RNF32: variants seen among roughly 807,000 people sequenced by gnomAD.
RNF32 encodes the protein ring finger protein 32.
RNF32 carries 36 observed loss-of-function variants against 41.0 expected under a neutral mutation model. That is an observed-to-expected ratio of 0.88 (90% CI 0.67 to 1.16). The LOEUF (loss-of-function observed/expected upper bound fraction) is 1.16, where lower values mean the gene tolerates loss of function less well. RNF32 is among the 50% of genes most tolerant of loss of function. The probability of loss-of-function intolerance (pLI) is 0.00; values close to 1 mark genes in which losing one functional copy is unlikely to be tolerated. For missense variants in RNF32, 413 were observed against 436.7 expected (o/e 0.95, Z 0.48); for synonymous variants, 154 against 160.9 (o/e 0.96, Z 0.32).
intron 7 of RNF32, chr7:156,659,183 A>G (rs1800217025): frequency 8.5e-7 from 1 of 1,179,316 alleles, no homozygotes; most frequent in Admixed American, 4.4e-5. Context: ...AAACAGCAGC[A>G]GCTCCGAGGC....
At chr7:156,649,389 CCCTT>C (rs369953083) in intron 3 of RNF32, among the ~76,000 whole-genome samples, 101 of 151,932 alleles carry the variant, frequency 6.6e-4, no homozygotes, top group Non-Finnish European at 1.3e-3. Flanking sequence ...ACTTTTATGC[CCCTT>C]CTTTTTTTTC....
At chr7:156,640,634 C>A (rs1272466924), upstream of RNF32, 1 of 387,294 alleles carries the variant, frequency 2.6e-6, no homozygotes, top group Admixed American at 3.1e-5. Flanking sequence ...GCAATGTGGG[C>A]CGGGCGGGGC....
intron 7 of RNF32, among the ~76,000 whole-genome samples, chr7:156,663,319 ATATG>A (rs1327117151): frequency 1.3e-5 from 2 of 152,212 alleles, no homozygotes; most frequent in Non-Finnish European, 2.9e-5. Context: ...AAAACAAAAT[ATATG>A]TGTGTGCACA....
intron 7 of RNF32, among the ~76,000 whole-genome samples, chr7:156,672,056 C>T (rs982823409): frequency 5.9e-5 from 9 of 152,146 alleles, no homozygotes; most frequent in Non-Finnish European, 1.3e-4. Flanking sequence ...AATCAAACAC[C>T]TGAGTGTGGA....
intron 4 of RNF32, among the ~76,000 whole-genome samples, chr7:156,655,727 G>A (rs553982605): frequency 5.3e-5 from 8 of 152,250 alleles, no homozygotes; most frequent in African/African-American, 1.9e-4. Context: ...TCTTACATAT[G>A]TGAAAGTTGG....
At chr7:156,641,287 G>A (rs758506282) in intron 1 of RNF32, among the ~76,000 whole-genome samples, 29 of 152,234 alleles carry the variant, frequency 1.9e-4, no homozygotes, top group Middle Eastern at 3.4e-3. Context: ...GCTTGGTCTC[G>A]TGTATTTTTA....
At position 156,643,907 on chromosome 7, in the gene RNF32, T is replaced by C. The variant is rs368408666; in HGVS notation, c.15+15T>C. ...TAAAAAATAAGGTACGCTATTCTTTTCTTAAACATACACGTTATTTGACTC... is the reference window on the plus strand; with the variant it reads ...TAAAAAATAAGGTACGCTATTCTTTCCTTAAACATACACGTTATTTGACTC... On this transcript the variant is annotated intron_variant, in intron 2 of 8. Coordinates refer to ENST00000317955, the MANE Select transcript of RNF32 (RefSeq NM_030936.4). 5.9e-5 allele frequency: 94 copies of C among 1,603,968 alleles called. No homozygotes were observed. In the African/African-American group the frequency reaches 1.2e-3, roughly 21 times the overall value.
At chr7:156,676,159 C>A in intron 8 of RNF32, 1 of 1,118,968 alleles carries the variant, frequency 8.9e-7, no homozygotes, top group Non-Finnish European at 1.2e-6. Context: ...GTTTGAAATT[C>A]TGGAAGTTCC....
At chr7:156,668,262 G>C (rs1040010296) in intron 7 of RNF32, among the ~76,000 whole-genome samples, 15 of 152,170 alleles carry the variant, frequency 9.9e-5, no homozygotes, top group African/African-American at 3.6e-4. Context: ...GTCACCTCCA[G>C]CCCAGGTACC....
Position 156,676,706 on chromosome 7 carries a change from A to G in RNF32, c.*51A>G. ...ATTCTGAGGAAAAAAGTTTACCATC[A>G]TTTTGGATGAACTGCATGAGTTCTG... On this transcript the variant is annotated 3_prime_UTR_variant, in exon 9 of 9. Coordinates refer to ENST00000317955, the MANE Select transcript of RNF32 (RefSeq NM_030936.4). 2 of 1,393,364 alleles carry G rather than the reference A, an allele frequency of 1.4e-6. No individual in the cohort carries two copies. The highest frequency in any genetic ancestry group is 2.0e-6 in the Non-Finnish European group (2 of 988,162). 86.3% of individuals were successfully genotyped at this position (1,393,364 alleles called of 1,614,324 possible).
rs116054186 is a variant in RNF32, at chr7:156,667,002, C to T, written c.684+8432C>T. On this transcript the variant is annotated intron_variant, in intron 7 of 8. Transcript: ENST00000317955. ...AGGGGCTGCTGGCTCCCACACCCTC[C>T]AGCACAAGATTTCTCTGACTTTTTT... Among the ~76,000 whole-genome samples, 1,323 of 152,268 alleles carry T rather than the reference C, an allele frequency of 8.7e-3. 22 individuals are homozygous for T. The highest frequency in any genetic ancestry group is 0.03 in the African/African-American group (1,266 of 41,532).
intron 7 of RNF32, chr7:156,660,062 T>TA: frequency 1.0e-6 from 1 of 985,806 alleles, no homozygotes; most frequent in Non-Finnish European, 1.2e-6. Flanking sequence ...ATACTGTTTT[T>TA]TGTTTTATCC....
chr7:156,660,965 G>C (rs913750433), intron 7 of RNF32, among the ~76,000 whole-genome samples: 1 of 152,218 alleles, frequency 6.6e-6, no homozygotes, highest in African/African-American at 2.4e-5. Context: ...TGGATTCAGA[G>C]ATTCTTTATT....
intron 3 of RNF32, among the ~76,000 whole-genome samples, chr7:156,651,289 C>T (rs937655421): frequency 2.6e-5 from 4 of 151,270 alleles, no homozygotes; most frequent in African/African-American, 4.9e-5. Flanking sequence ...TCTCGGCTCA[C>T]TGCAACCTCC....
intron 7 of RNF32, chr7:156,659,001 G>A: frequency 2.0e-6 from 3 of 1,482,846 alleles, no homozygotes; most frequent in Non-Finnish European, 1.8e-6. Flanking sequence ...ATTGTATTGA[G>A]TACCTCGTGG....
At chr7:156,648,854 ATTGTT>A (rs925844016) in intron 3 of RNF32, among the ~76,000 whole-genome samples, 20 of 152,066 alleles carry the variant, frequency 1.3e-4, no homozygotes, top group Admixed American at 3.9e-4. Flanking sequence ...TGTTAAATCC[ATTGTT>A]TTGTTTTGTT....
chr7:156,647,344 C>T (rs1198977098), intron 3 of RNF32, among the ~76,000 whole-genome samples: 1 of 151,770 alleles, frequency 6.6e-6, no homozygotes, highest in Non-Finnish European at 1.5e-5. Context: ...TTATCCCACA[C>T]CCTCCCACCC....
At position 156,664,021 on chromosome 7, in the gene RNF32, G is replaced by A. The variant is rs76256894; in HGVS notation, c.684+5451G>A. 2.4e-3 allele frequency among the ~76,000 whole-genome samples: 365 copies of A among 152,312 alleles called. 3 individuals carry two copies. Among genetic ancestry groups the A allele is most frequent in the African/African-American group, 7.1e-3 (296 of 41,562 alleles). On this transcript the variant is annotated intron_variant, in intron 7 of 8. Transcript: ENST00000317955. ...TGCTTTGTTAGTCAGGGGAGATAAC[G>A]AGGGAACAGACAAAACACCACAATC... is the stretch of plus-strand genomic sequence containing the variant.
chr7:156,670,414 G>C lies in RNF32; in HGVS notation c.685-5282G>C, dbSNP rs1329011602. Among the ~76,000 whole-genome samples, 1 of 152,182 alleles carries C rather than the reference G, an allele frequency of 6.6e-6. No homozygotes were observed. Among genetic ancestry groups the C allele is most frequent in the Non-Finnish European group, 1.5e-5 (1 of 68,036 alleles). On this transcript the variant is annotated intron_variant, in intron 7 of 8. Coordinates refer to ENST00000317955, the MANE Select transcript of RNF32 (RefSeq NM_030936.4). The surrounding 1 kb of genome is among the most constrained non-coding windows in gnomAD (Gnocchi z 4.3). ...TGACTTGCCTAAGAGAGGATGTGGC[G>C]CAGGATGTCACTGTCAGAATTTGAA... is the stretch of plus-strand genomic sequence containing the variant.
Sources: allele counts gnomAD v4.1 joint callset (sites outside exome capture counted in the v4.1 genomes callset), GRCh38; gene constraint gnomAD v4.1.1; non-coding constraint Gnocchi (gnomAD v3.1); transcripts MANE v1.5; gene names NCBI Gene and HGNC (gene_info 2026-07-23, HGNC 2026-07-21).